Variants in DOCK1 observed in about 807,000 individuals in gnomAD.
DOCK1 encodes dedicator of cytokinesis 1, also known as dedicator of cytokinesis protein 1.
DOCK1 carries 138 observed loss-of-function variants against 262.7 expected under a neutral mutation model. The ratio of observed to expected loss-of-function variants is 0.53; its 90% CI spans 0.46 to 0.61. DOCK1 has a LOEUF of 0.61. Among genes scored for constraint, DOCK1 ranks in the 20% least tolerant of loss-of-function variants. The probability of loss-of-function intolerance (pLI) is 0.00; values close to 1 mark genes in which losing one functional copy is unlikely to be tolerated. For missense variants in DOCK1, 1,908 were observed against 2,370.7 expected (o/e 0.80, Z 4.05); for synonymous variants, 866 against 867.4 (o/e 1.00, Z 0.03).
At position 127,012,799 on chromosome 10, in the gene DOCK1, C is replaced by G. The variant is rs2041564710; in HGVS notation, c.1201+425C>G. On this transcript the variant is annotated intron_variant, in intron 12 of 51. Transcript: ENST00000623213. The surrounding 1 kb of genome is among the most constrained non-coding windows in gnomAD (Gnocchi z 4.0). ...CTCCGCCCCTACACTCCGCCTCACACTCACTGTTTTTAATCCTGCACTGAC... is the reference window on the plus strand; with the variant it reads ...CTCCGCCCCTACACTCCGCCTCACAGTCACTGTTTTTAATCCTGCACTGAC... Among the ~76,000 whole-genome samples, 1 of 152,220 alleles carries G rather than the reference C, an allele frequency of 6.6e-6. No individual in the cohort carries two copies. Among genetic ancestry groups the G allele is most frequent in the Non-Finnish European group, 1.5e-5 (1 of 68,042 alleles).
At chr10:127,112,385 T>G (rs1192626962) in intron 25 of DOCK1, among the ~76,000 whole-genome samples, 2 of 152,352 alleles carry the variant, frequency 1.3e-5, no homozygotes, top group East Asian at 3.9e-4. Context: ...ACTTACTGTT[T>G]ATATTCGATG....
At chr10:126,978,406 A>T in intron 3 of DOCK1, among the ~76,000 whole-genome samples, 1 of 152,320 alleles carries the variant, frequency 6.6e-6, no homozygotes, top group Non-Finnish European at 1.5e-5. Context: ...TCTTGCATAT[A>T]ACTGTTTTTA....
In DOCK1 at chr10:127,415,180, C is replaced by T. The variant is rs757362875; in HGVS notation, c.4457C>T (p.Thr1486Ile). 6.8e-6 allele frequency: 11 copies of T among 1,613,268 alleles called. No individual in the cohort carries two copies. The Admixed American group carries it at 1.3e-4, about 20-fold the overall frequency. The change falls in exon 44 of 52, where the codon ACA becomes ATA. Residue 1486 changes from threonine (T) to isoleucine (I), a missense_variant. Coordinates refer to ENST00000623213, the MANE Select transcript of DOCK1 (RefSeq NM_001290223.2). ...ANMWIERTIY[T>I]TAYKLPGILR... ...ATGTGGATCGAGAGAACCATATATA[C>T]AACTGCATATAAATTACCTGGAATT... is the stretch of plus-strand genomic sequence containing the variant.
chr10:126,924,192 G>C (rs1294937521), intron 1 of DOCK1, among the ~76,000 whole-genome samples: 1 of 135,136 alleles, frequency 7.4e-6, no homozygotes, highest in Non-Finnish European at 1.7e-5. Context: ...TGAGCAGGGG[G>C]AACTGAATGC....
chr10:126,946,196 C>T (rs2035388267), intron 1 of DOCK1, among the ~76,000 whole-genome samples: 1 of 152,174 alleles, frequency 6.6e-6, no homozygotes, highest in Non-Finnish European at 1.5e-5. Context: ...TGTTGTGCTA[C>T]TCATTCTCTG....
At chr10:127,049,995 A>G (rs180696824) in intron 21 of DOCK1, among the ~76,000 whole-genome samples, 16 of 93,090 alleles carry the variant, frequency 1.7e-4, no homozygotes, top group African/African-American at 6.8e-4. Flanking sequence ...TTTTTTTACT[A>G]TAGTGATGAG....
chr10:127,197,727 C>T (rs2134199042), intron 27 of DOCK1, among the ~76,000 whole-genome samples: 1 of 152,184 alleles, frequency 6.6e-6, no homozygotes, highest in East Asian at 1.9e-4. Flanking sequence ...AGTCTCTGCA[C>T]CTAGCACCAG....
At chr10:126,941,382 G>C (rs963210414) in intron 1 of DOCK1, among the ~76,000 whole-genome samples, 1 of 146,812 alleles carries the variant, frequency 6.8e-6, no homozygotes, top group African/African-American at 2.4e-5. Context: ...TCATTTCATG[G>C]TGCTAGTTTT....
intron 12 of DOCK1, among the ~76,000 whole-genome samples, chr10:127,015,706 T>C (rs1463165479): frequency 6.6e-6 from 1 of 152,128 alleles, no homozygotes; most frequent in Non-Finnish European, 1.5e-5. Flanking sequence ...CCACCCTCCA[T>C]AGTGGCATTC....
At chr10:127,435,071 T>C (rs2069586763) in intron 48 of DOCK1, among the ~76,000 whole-genome samples, 1 of 152,246 alleles carries the variant, frequency 6.6e-6, no homozygotes, top group Non-Finnish European at 1.5e-5. Context: ...TTAACATTTA[T>C]TGAGCACACA....
At chr10:127,411,153 T>C (rs987672965) in intron 43 of DOCK1, among the ~76,000 whole-genome samples, 3 of 152,208 alleles carry the variant, frequency 2.0e-5, no homozygotes, top group African/African-American at 4.8e-5. Flanking sequence ...ATAAGGAGAC[T>C]GTGCCGTCCA....
At chr10:127,413,517 G>A (rs895660373) in intron 43 of DOCK1, among the ~76,000 whole-genome samples, 11 of 152,224 alleles carry the variant, frequency 7.2e-5, no homozygotes, top group African/African-American at 2.4e-4. Flanking sequence ...CCACCAGGCC[G>A]AGAGCAGTGC....
intron 10 of DOCK1, among the ~76,000 whole-genome samples, chr10:127,004,020 C>T (rs1002270100): frequency 4.0e-5 from 6 of 151,596 alleles, no homozygotes; most frequent in African/African-American, 7.3e-5. Context: ...TTTAGGAGGC[C>T]GAGGCAGGCA....
intron 29 of DOCK1, among the ~76,000 whole-genome samples, chr10:127,260,575 G>C (rs1457591364): frequency 6.6e-6 from 1 of 152,180 alleles, no homozygotes; most frequent in Non-Finnish European, 1.5e-5. Flanking sequence ...ATGTGTGCCT[G>C]TGTGTGTACC....
intron 1 of DOCK1, among the ~76,000 whole-genome samples, chr10:126,921,683 C>T (rs971583473): frequency 3.9e-5 from 6 of 152,032 alleles, no homozygotes; most frequent in Admixed American, 1.3e-4. Flanking sequence ...GATGGAGTCT[C>T]GCTCTGTTCC....
intron 1 of DOCK1, among the ~76,000 whole-genome samples, chr10:126,931,604 G>C (rs1004491411): frequency 0.061 from 9,264 of 152,264 alleles, 364 homozygotes; most frequent in Middle Eastern, 0.11. Flanking sequence ...TTGGGGTGGG[G>C]CCTCATCTGT....
chr10:127,116,072 T>C (rs941128168), intron 25 of DOCK1, among the ~76,000 whole-genome samples: 2 of 152,194 alleles, frequency 1.3e-5, no homozygotes, highest in South Asian at 2.1e-4. Flanking sequence ...ATACTCTAGA[T>C]AGATTGCTTT....
At chr10:127,370,641 A>G (rs1007893179) in intron 33 of DOCK1, among the ~76,000 whole-genome samples, 2 of 152,250 alleles carry the variant, frequency 1.3e-5, no homozygotes, top group African/African-American at 4.8e-5. Flanking sequence ...ATAGGTGCCA[A>G]TAGCCTATGG....
chr10:127,348,284 C>T (rs1479947980), intron 31 of DOCK1, among the ~76,000 whole-genome samples: 1 of 152,084 alleles, frequency 6.6e-6, no homozygotes, highest in African/African-American at 2.4e-5. Context: ...ACCAGCAGCT[C>T]TTCCTCCCAT....
Sources: gnomAD v4.1 joint callset for allele counts (sites outside exome capture counted in the v4.1 genomes callset) on GRCh38, gnomAD v4.1.1 for gene constraint, Gnocchi (gnomAD v3.1) non-coding constraint, MANE v1.5 for transcripts, NCBI Gene and HGNC (gene_info 2026-07-23, HGNC 2026-07-21) for gene names.